The following MEIS2 variants were observed in gnomAD, a reference collection of about 807,000 sequenced individuals.
MEIS2 encodes the protein Meis homeobox 2, also known as homeobox protein Meis2.
In MEIS2, 9 loss-of-function variants were observed where a neutral mutation model predicts 58.6. That is an observed-to-expected ratio of 0.15 (90% CI 0.09 to 0.27). The LOEUF (loss-of-function observed/expected upper bound fraction) is 0.27. Ranked by LOEUF, MEIS2 falls within the 10% of genes least tolerant of loss-of-function variation. The pLI is 1.00. For missense variants in MEIS2, 427 were observed against 635.0 expected (o/e 0.67, Z 3.52); for synonymous variants, 221 against 228.4 (o/e 0.97, Z 0.29).
At chr15:37,070,505 G>A (rs749443325) in intron 7 of MEIS2, among the ~76,000 whole-genome samples, 51 of 152,158 alleles carry the variant, frequency 3.4e-4, no homozygotes, top group Non-Finnish European at 6.3e-4. Context: ...TTGCAGACTT[G>A]AAATGCATAT....
At chr15:36,984,331 CTTT>C (rs1412501126) in intron 8 of MEIS2, among the ~76,000 whole-genome samples, 2 of 151,964 alleles carry the variant, frequency 1.3e-5, no homozygotes, top group African/African-American at 4.8e-5. Flanking sequence ...AATACTTCTT[CTTT>C]ATCTACTGAG....
In MEIS2 at chr15:36,934,075, A is replaced by G. The variant is rs186940167; in HGVS notation, c.977+16249T>C. ...TTTTAATTTTAACAATGTGCATACT[A>G]TTGGTAACGAATATTGAAAGAAATA... is the stretch of plus-strand genomic sequence containing the variant. On this transcript the variant is annotated intron_variant, in intron 9 of 11. Transcript: ENST00000561208. 1.1e-3 allele frequency among the ~76,000 whole-genome samples: 164 copies of G among 152,330 alleles called. 1 individual carries two copies. The highest frequency in any genetic ancestry group is 3.8e-3 in the African/African-American group (158 of 41,574).
chr15:37,057,828 A>C (rs7177650), intron 7 of MEIS2, among the ~76,000 whole-genome samples: 6,962 of 152,206 alleles, frequency 0.046, 210 homozygotes, highest in East Asian at 0.091. Context: ...AGAGTAATCA[A>C]GAAGCCGAGG....
chr15:36,941,088 A>G (rs1349813035), intron 9 of MEIS2, among the ~76,000 whole-genome samples: 1 of 152,176 alleles, frequency 6.6e-6, no homozygotes, highest in East Asian at 1.9e-4. Context: ...ACACGGAAAC[A>G]CAGAATCCAT....
In MEIS2 at chr15:36,891,835, T is replaced by A. The variant is rs139647839; in HGVS notation, c.*338A>T. On this transcript the variant is annotated 3_prime_UTR_variant, in exon 12 of 12. Transcript: ENST00000561208. ...CATAGTGTGGAAAACAAGGATATAT[T>A]TTTTTTTCTCTTCTAAAACTATTTG... 468 of 313,154 alleles carry A rather than the reference T, an allele frequency of 1.5e-3. 1 individual carries two copies. Among genetic ancestry groups the A allele is most frequent in the Middle Eastern group, 9.9e-3 (10 of 1,008 alleles). 19.4% of individuals were successfully genotyped at this position (313,154 alleles called of 1,614,324 possible).
chr15:36,953,156 A>G (rs2058823429), intron 8 of MEIS2, among the ~76,000 whole-genome samples: 1 of 152,192 alleles, frequency 6.6e-6, no homozygotes, highest in African/African-American at 2.4e-5. Flanking sequence ...ATCAGCTTTC[A>G]GAGGAATTGG....
intron 9 of MEIS2, among the ~76,000 whole-genome samples, chr15:36,921,188 A>G (rs2057493810): frequency 6.6e-6 from 1 of 152,222 alleles, no homozygotes; most frequent in African/African-American, 2.4e-5. Context: ...GATAGGTATC[A>G]CCAAGAAAAG....
chr15:37,001,808 G>C (rs1239139160), intron 8 of MEIS2, among the ~76,000 whole-genome samples: 2 of 152,084 alleles, frequency 1.3e-5, no homozygotes, highest in African/African-American at 2.4e-5. Flanking sequence ...ATAGTTTATA[G>C]AATAAGAGGT....
chr15:36,959,107 T>G, intron 8 of MEIS2, among the ~76,000 whole-genome samples: 1 of 152,276 alleles, frequency 6.6e-6, no homozygotes. Context: ...AAAACTGAGG[T>G]TGACGGAGGC....
chr15:37,056,133 A>G (rs780920703), intron 7 of MEIS2, among the ~76,000 whole-genome samples: 2 of 152,234 alleles, frequency 1.3e-5, no homozygotes, highest in Non-Finnish European at 1.5e-5. Flanking sequence ...AAATTAGCAG[A>G]GCAAACTGCA....
At chr15:36,943,590 A>G (rs2058452530) in intron 9 of MEIS2, among the ~76,000 whole-genome samples, 1 of 152,062 alleles carries the variant, frequency 6.6e-6, no homozygotes, top group Non-Finnish European at 1.5e-5. Flanking sequence ...TGTTTCAGAA[A>G]CTTGTTGCAT....
At chr15:36,928,389 T>C (rs1030821924) in intron 9 of MEIS2, among the ~76,000 whole-genome samples, 1 of 152,158 alleles carries the variant, frequency 6.6e-6, no homozygotes, top group Non-Finnish European at 1.5e-5. Context: ...ACAGTAATAT[T>C]CTGAATCAAA....
chr15:36,939,123 C>G (rs2058284243), intron 9 of MEIS2, among the ~76,000 whole-genome samples: 1 of 152,168 alleles, frequency 6.6e-6, no homozygotes, highest in African/African-American at 2.4e-5. Context: ...CTTCCTGATT[C>G]AAAACTAACT....
chr15:36,929,389 T>C (rs941872420), intron 9 of MEIS2, among the ~76,000 whole-genome samples: 1 of 152,222 alleles, frequency 6.6e-6, no homozygotes, highest in Non-Finnish European at 1.5e-5. Context: ...TCCTTGTGCA[T>C]GCAACTATTT....
At chr15:36,915,812 C>T (rs1185563039) in intron 9 of MEIS2, among the ~76,000 whole-genome samples, 1 of 152,196 alleles carries the variant, frequency 6.6e-6, no homozygotes, top group Non-Finnish European at 1.5e-5. Context: ...GCTGTACTTA[C>T]TATGATAACC....
At chr15:36,982,875 T>G (rs184367806) in intron 8 of MEIS2, among the ~76,000 whole-genome samples, 45 of 152,292 alleles carry the variant, frequency 3.0e-4, no homozygotes, top group African/African-American at 1.1e-3. Context: ...CATTGTGGTT[T>G]TGATTTACAT....
At chr15:37,000,074 A>C (rs2060665583) in intron 8 of MEIS2, among the ~76,000 whole-genome samples, 1 of 152,228 alleles carries the variant, frequency 6.6e-6, no homozygotes. Context: ...AGTTTAAAAT[A>C]TCAGGAGAAA....
intron 8 of MEIS2, among the ~76,000 whole-genome samples, chr15:36,976,298 C>A (rs11632018): frequency 0.067 from 10,183 of 151,726 alleles, 418 homozygotes; most frequent in Non-Finnish European, 0.095. Context: ...GTTGGCCAGG[C>A]TGGTCTCGAA....
intron 8 of MEIS2, among the ~76,000 whole-genome samples, chr15:37,007,255 A>G (rs929826533): frequency 3.9e-5 from 6 of 152,276 alleles, no homozygotes; most frequent in East Asian, 3.9e-4. Flanking sequence ...CCAGCCAGGT[A>G]TATTAGAGCA....
Sources: gnomAD v4.1 joint callset for allele counts (sites outside exome capture counted in the v4.1 genomes callset) on GRCh38, gnomAD v4.1.1 for gene constraint, MANE v1.5 for transcripts, NCBI Gene and HGNC (gene_info 2026-07-23, HGNC 2026-07-21) for gene names.